SLCO3A1: variants seen among roughly 807,000 people sequenced by gnomAD.
The protein encoded by SLCO3A1 is solute carrier organic anion transporter family member 3A1, also known as PGE1 transporter.
Under a neutral mutation model 63.1 loss-of-function variants are expected in SLCO3A1, and 27 were observed. The observed-to-expected ratio is 0.43, with a 90% confidence interval of 0.32 to 0.59. The LOEUF is 0.59. Ranked by LOEUF, SLCO3A1 falls within the 20% of genes least tolerant of loss-of-function variation. SLCO3A1 has a pLI of 0.09. For synonymous variants in SLCO3A1, 473 were observed against 409.9 expected, an observed-to-expected ratio of 1.15 and a Z score of -1.86; for missense variants, 773 against 945.8, an observed-to-expected ratio of 0.82 and a Z score of 2.40.
At position 91,875,509 on chromosome 15, in the gene SLCO3A1, T is replaced by C. The variant is rs553845803; in HGVS notation, c.180+21421T>C. On this transcript the variant is annotated intron_variant, in intron 1 of 9. Transcript: ENST00000318445. The surrounding 1 kb of genome is among the most constrained non-coding windows in gnomAD (Gnocchi z 4.5). ...CCTAGGTTGGTTCCTCCCCCGTCAG[T>C]TGGAGATGATTAAAGTACCTGCCAC... is the stretch of plus-strand genomic sequence containing the variant. Among the ~76,000 whole-genome samples, 12 of 152,294 alleles carry C rather than the reference T, an allele frequency of 7.9e-5. No individual in the cohort carries two copies. The highest frequency in any genetic ancestry group is 2.9e-4 in the African/African-American group (12 of 41,572).
chr15:91,977,883 C>T (rs1014832016), intron 2 of SLCO3A1, among the ~76,000 whole-genome samples: 4 of 152,136 alleles, frequency 2.6e-5, no homozygotes, highest in Admixed American at 1.3e-4. Context: ...CTAAATGATC[C>T]TCCCAGGAAA....
rs892501151 is a variant in SLCO3A1, at chr15:92,165,850, A to T, written c.*2715A>T. 1.0e-6 allele frequency: 1 copy of T among 985,234 alleles called. No individual in the cohort carries two copies. Among genetic ancestry groups the T allele is most frequent in the Admixed American group, 6.2e-5 (1 of 16,256 alleles). 61.0% of individuals were successfully genotyped at this position (985,234 alleles called of 1,614,324 possible). ...AATGAAAAGATTTCCTGGTAAGATCATTGGATTTACAGAATACAAAAATGT... is the reference window on the plus strand; with the variant it reads ...AATGAAAAGATTTCCTGGTAAGATCTTTGGATTTACAGAATACAAAAATGT... On this transcript the variant is annotated 3_prime_UTR_variant, in exon 10 of 10. Transcript: ENST00000318445.
At chr15:91,985,137 A>G (rs1347827725) in intron 2 of SLCO3A1, among the ~76,000 whole-genome samples, 1 of 152,102 alleles carries the variant, frequency 6.6e-6, no homozygotes, top group Non-Finnish European at 1.5e-5. Flanking sequence ...TTCTTTCCCA[A>G]AGTAACGCCC....
chr15:92,119,233 C>A (rs2047831706), intron 4 of SLCO3A1, among the ~76,000 whole-genome samples: 1 of 151,992 alleles, frequency 6.6e-6, no homozygotes, highest in South Asian at 2.1e-4. Context: ...TGCTTGTTTT[C>A]AAAGGATTTT....
At chr15:91,926,860 T>C (rs1899049847) in intron 2 of SLCO3A1, among the ~76,000 whole-genome samples, 1 of 152,092 alleles carries the variant, frequency 6.6e-6, no homozygotes, top group African/African-American at 2.4e-5. Context: ...GGAGGAAAGC[T>C]TTGACTGGAT....
chr15:91,907,109 G>A (rs138320890), intron 1 of SLCO3A1, among the ~76,000 whole-genome samples: 2 of 152,090 alleles, frequency 1.3e-5, no homozygotes, highest in African/African-American at 2.4e-5. Flanking sequence ...GAGTATAGAG[G>A]AAACAGTAGC....
chr15:92,123,048 A>C (rs1333080618), intron 5 of SLCO3A1, among the ~76,000 whole-genome samples: 2 of 152,232 alleles, frequency 1.3e-5, no homozygotes, highest in Admixed American at 1.3e-4. Context: ...CTGTAGTTAC[A>C]GGGGTGTGTA....
intron 1 of SLCO3A1, among the ~76,000 whole-genome samples, chr15:91,911,393 G>T (rs895328873): frequency 2.6e-5 from 4 of 152,078 alleles, no homozygotes; most frequent in Non-Finnish European, 5.9e-5. Flanking sequence ...TGTTAGAAAC[G>T]CATAGTCTAG....
intron 9 of SLCO3A1, among the ~76,000 whole-genome samples, chr15:92,152,015 A>T (rs1024396192): frequency 7.9e-5 from 12 of 152,248 alleles, no homozygotes; most frequent in Non-Finnish European, 1.5e-4. Flanking sequence ...TGGAAAGAAA[A>T]ATATAGACTT....
chr15:92,052,958 G>A (rs916819261), intron 2 of SLCO3A1, among the ~76,000 whole-genome samples: 6 of 151,924 alleles, frequency 3.9e-5, no homozygotes, highest in Admixed American at 1.3e-4. Flanking sequence ...AATTATATAG[G>A]TGACCCACAT....
chr15:92,126,339 C>A, intron 6 of SLCO3A1, 80 bp downstream of exon 6: 1 of 1,218,290 alleles, frequency 8.2e-7, no homozygotes, highest in Non-Finnish European at 1.2e-6. Context: ...TTGAGGGAAC[C>A]AGCTTTGTTC....
At chr15:92,098,112 C>T (rs1203217028) in intron 3 of SLCO3A1, 4 of 152,310 alleles carry the variant, frequency 2.6e-5, no homozygotes, top group Middle Eastern at 6.3e-3. Flanking sequence ...CAAGGCAGGT[C>T]CACAGAGGGC....
intron 2 of SLCO3A1, among the ~76,000 whole-genome samples, chr15:92,060,808 T>C (rs1415944772): frequency 2.0e-5 from 3 of 152,194 alleles, no homozygotes; most frequent in East Asian, 1.9e-4. Flanking sequence ...CCGGTACTTT[T>C]TAATAAAATT....
chr15:91,887,359 C>T (rs539358442), intron 1 of SLCO3A1, among the ~76,000 whole-genome samples: 23 of 152,212 alleles, frequency 1.5e-4, no homozygotes, highest in African/African-American at 4.6e-4. Context: ...ATTCCTGCAA[C>T]AATGACCCTA....
chr15:91,926,087 G>A (rs967893150), intron 2 of SLCO3A1, among the ~76,000 whole-genome samples: 1 of 152,112 alleles, frequency 6.6e-6, no homozygotes, highest in Non-Finnish European at 1.5e-5. Context: ...TTCTTTCACA[G>A]TACAAAGATT....
intron 2 of SLCO3A1, among the ~76,000 whole-genome samples, chr15:92,079,027 C>T (rs1357068831): frequency 6.6e-6 from 1 of 152,188 alleles, no homozygotes; most frequent in Non-Finnish European, 1.5e-5. Flanking sequence ...CAAGCCTGCC[C>T]TTTGCTAGGC....
At chr15:92,027,247 G>A (rs557898368) in intron 2 of SLCO3A1, among the ~76,000 whole-genome samples, 141 of 152,300 alleles carry the variant, frequency 9.3e-4, no homozygotes, top group Middle Eastern at 3.4e-3. Flanking sequence ...TGCTAAATAC[G>A]TGATTTCCTG....
intron 2 of SLCO3A1, among the ~76,000 whole-genome samples, chr15:92,060,932 T>A (rs1025918501): frequency 6.6e-6 from 1 of 152,210 alleles, no homozygotes; most frequent in African/African-American, 2.4e-5. Flanking sequence ...TGATGGAGAT[T>A]TTGCAGCTTC....
chr15:91,996,157 A>G (rs1361218139), intron 2 of SLCO3A1, among the ~76,000 whole-genome samples: 3 of 152,192 alleles, frequency 2.0e-5, no homozygotes, highest in Non-Finnish European at 4.4e-5. Context: ...AACAGCTACA[A>G]CATCAGTGTA....
Sources: gnomAD v4.1 joint callset for allele counts (sites outside exome capture counted in the v4.1 genomes callset) on GRCh38, gnomAD v4.1.1 for gene constraint, Gnocchi (gnomAD v3.1) non-coding constraint, MANE v1.5 for transcripts, NCBI Gene and HGNC (gene_info 2026-07-23, HGNC 2026-07-21) for gene names.